Variants in HMGXB4 observed in about 807,000 individuals in gnomAD.
The protein encoded by HMGXB4 is HMG domain-containing protein 4.
In HMGXB4, 27 loss-of-function variants were observed where a neutral mutation model predicts 63.9. The ratio of observed to expected loss-of-function variants is 0.42; its 90% confidence interval spans 0.31 to 0.58. The LOEUF (loss-of-function observed/expected upper bound fraction) is 0.58, where lower values mean the gene tolerates loss of function less well. Among genes scored for constraint, HMGXB4 ranks in the 20% least tolerant of loss-of-function variants. HMGXB4 has a pLI of 0.13. For missense variants in HMGXB4, 624 were observed against 700.7 expected, an observed-to-expected ratio of 0.89 and a Z score of 1.24; for synonymous variants, 264 against 265.3, an observed-to-expected ratio of 0.99 and a Z score of 0.05.
chr22:35,293,260 C>A, intron 10 of HMGXB4, 146 bp downstream of exon 10: 1 of 901,638 alleles, frequency 1.1e-6, no homozygotes, highest in Non-Finnish European at 1.7e-6. Context: ...GCTATATTAT[C>A]AAATGCATGC....
intron 8 of HMGXB4, among the ~76,000 whole-genome samples, chr22:35,288,028 T>G (rs1356208381): frequency 6.6e-6 from 1 of 152,228 alleles, no homozygotes; most frequent in Non-Finnish European, 1.5e-5. Context: ...CACATATTCT[T>G]TGTTTTTCTA....
At chr22:35,284,132 C>G in intron 6 of HMGXB4, 89 bp downstream of exon 6, 1 of 924,484 alleles carries the variant, frequency 1.1e-6, no homozygotes, top group South Asian at 1.4e-5. Flanking sequence ...AGCATTAGAG[C>G]ATAAATCTTG....
In HMGXB4 at chr22:35,265,522, TC is replaced by T; in HGVS notation, c.1136del (p.Pro379LeufsTer45). The part of the protein sequence containing the change: ...AGAAAPPLPL[P>X]GLHTDGHSEK... Reference sequence around the variant, plus strand: ...GAGCAGCAGCACCTCCCCTGCCACTTCCTGGCCTCCACACAGATGGGCATAG... The same window carrying T: ...GAGCAGCAGCACCTCCCCTGCCACTTCTGGCCTCCACACAGATGGGCATAG... On this transcript the variant is annotated frameshift_variant, in exon 5 of 11. Transcript: ENST00000216106. LOFTEE classifies it high-confidence loss of function. 1 of 1,613,192 alleles carries T rather than the reference TC, an allele frequency of 6.2e-7. No individual in the cohort carries two copies. The highest frequency in any genetic ancestry group is 8.5e-7 in the Non-Finnish European group (1 of 1,179,850).
At chr22:35,259,233 G>C (rs1433083031) in intron 1 of HMGXB4, among the ~76,000 whole-genome samples, 2 of 152,084 alleles carry the variant, frequency 1.3e-5, no homozygotes, top group African/African-American at 2.4e-5. Context: ...TTTTTTACTT[G>C]TATCAACAGT....
rs569574050 is a variant in HMGXB4, at chr22:35,263,306, T to G, written c.180+80T>G. The G allele has an allele frequency of 6.9e-5, 84 of 1,208,902 alleles. No individual in the cohort carries two copies. In the East Asian group the frequency reaches 8.2e-4, roughly 12 times the overall value. 74.9% of individuals were successfully genotyped at this position (1,208,902 alleles called of 1,614,324 possible). On this transcript the variant is annotated intron_variant, in intron 3 of 10. Coordinates refer to ENST00000216106, the MANE Select transcript of HMGXB4 (RefSeq NM_001003681.3). ...TGATGCAGAGTTTTTTTTTGTTTTTTTTTTTTTTCTCTCATGGCCCAGGCT... is the reference window on the plus strand; with the variant it reads ...TGATGCAGAGTTTTTTTTTGTTTTTGTTTTTTTTCTCTCATGGCCCAGGCT...
At chr22:35,282,921 T>C (rs767196867) in intron 5 of HMGXB4, among the ~76,000 whole-genome samples, 5 of 152,280 alleles carry the variant, frequency 3.3e-5, no homozygotes, top group African/African-American at 1.2e-4. Context: ...CATAGAAATA[T>C]AATCTTCTGT....
chr22:35,263,145 A>G lies in HMGXB4; in HGVS notation c.99A>G (p.Lys33=). 1.2e-6 allele frequency: 2 copies of G among 1,614,162 alleles called. No individual in the cohort carries two copies. Among genetic ancestry groups the G allele is most frequent in the South Asian group, 2.2e-5 (2 of 91,080 alleles). ...CAGCTGGCCGAAGCCAACGAGAGAA[A>G]AAACGTTCTTACAAAGATTTTTTAA... ...GLAAGRSQRE[K]KRSYKDFLRE... is the part of the protein sequence containing the mutation. Residue 33 remains lysine, a synonymous_variant, in exon 3 of 11, where the codon AAA becomes AAG. Transcript: ENST00000216106.
chr22:35,254,255 T>C (rs1359180460), upstream of HMGXB4, among the ~76,000 whole-genome samples: 1 of 152,246 alleles, frequency 6.6e-6, no homozygotes, highest in Non-Finnish European at 1.5e-5. Flanking sequence ...TCACTTGCCA[T>C]GGGAAAAGGC....
the HMGXB4 span, among the ~76,000 whole-genome samples, chr22:35,245,356 CTTTT>C: frequency 1.2e-5 from 1 of 84,808 alleles, no homozygotes; most frequent in African/African-American, 3.6e-5. Context: ...CTGAGACTAT[CTTTT>C]TTCTCTTTTT....
intron 5 of HMGXB4, among the ~76,000 whole-genome samples, chr22:35,270,909 T>C (rs1213318095): frequency 2.0e-5 from 3 of 152,164 alleles, no homozygotes; most frequent in African/African-American, 4.8e-5. Context: ...AAAATTCCTA[T>C]AAAGCTTTTT....
chr22:35,278,766 G>A (rs1050100111), intron 5 of HMGXB4, among the ~76,000 whole-genome samples: 6 of 150,586 alleles, frequency 4.0e-5, no homozygotes, highest in South Asian at 4.2e-4. Context: ...ATCCCACCTC[G>A]GCCTCCTGAG....
chr22:35,276,488 A>C (rs903951619), intron 5 of HMGXB4, among the ~76,000 whole-genome samples: 1 of 152,230 alleles, frequency 6.6e-6, no homozygotes, highest in Non-Finnish European at 1.5e-5. Context: ...ACTCCAAGGT[A>C]TAGGTTCTTA....
chr22:35,284,809 G>A (rs1419495599), intron 6 of HMGXB4, among the ~76,000 whole-genome samples: 1 of 152,220 alleles, frequency 6.6e-6, no homozygotes, highest in African/African-American at 2.4e-5. Flanking sequence ...CTATACCAGA[G>A]ATCCTGGACA....
At chr22:35,277,249 C>G (rs920586049) in intron 5 of HMGXB4, among the ~76,000 whole-genome samples, 1 of 152,220 alleles carries the variant, frequency 6.6e-6, no homozygotes, top group African/African-American at 2.4e-5. Context: ...TTGTTTTCTT[C>G]AAATTCGAGA....
chr22:35,242,070 T>C, the HMGXB4 span, among the ~76,000 whole-genome samples: 1 of 152,244 alleles, frequency 6.6e-6, no homozygotes, highest in Non-Finnish European at 1.5e-5. Flanking sequence ...ACTAGCTTCA[T>C]AAAATAGACT....
At chr22:35,268,001 T>C (rs889956938) in intron 5 of HMGXB4, among the ~76,000 whole-genome samples, 1 of 152,212 alleles carries the variant, frequency 6.6e-6, no homozygotes, top group Non-Finnish European at 1.5e-5. Context: ...GGAGAATCGC[T>C]TGAGCCCAGG....
chr22:35,242,782 C>T, the HMGXB4 span, among the ~76,000 whole-genome samples: 1 of 152,220 alleles, frequency 6.6e-6, no homozygotes, highest in Admixed American at 6.5e-5. Context: ...CTCGGCCCGC[C>T]TTTAGCTGTG....
At position 35,265,334 on chromosome 22, in the gene HMGXB4, A is replaced by G. The variant is rs148970891; in HGVS notation, c.946A>G (p.Ile316Val). Reference sequence around the variant, plus strand: ...AGTGATAGATGATTCTTACCGAGAAATCAAGAAGAAAAAGAAGTCAAAGAA... The same window carrying G: ...AGTGATAGATGATTCTTACCGAGAAGTCAAGAAGAAAAAGAAGTCAAAGAA... ...ELVIDDSYRE[I>V]KKKKKSKKSK... Residue 316 changes from isoleucine (I) to valine (V), a missense_variant, in exon 5 of 11, where the codon ATC (isoleucine) becomes GTC (valine). Transcript: ENST00000216106. 12 of 1,613,970 alleles carry G rather than the reference A, an allele frequency of 7.4e-6. No individual in the cohort carries two copies. Among genetic ancestry groups the G allele is most frequent in the African/African-American group, 1.3e-5 (1 of 74,922 alleles).
chr22:35,292,063 A>G (rs1036394161), intron 9 of HMGXB4, among the ~76,000 whole-genome samples: 2 of 152,220 alleles, frequency 1.3e-5, no homozygotes, highest in African/African-American at 4.8e-5. Context: ...CCTTACAGGA[A>G]GTTGAGATGG....
Sources: gnomAD v4.1 joint callset for allele counts (sites outside exome capture counted in the v4.1 genomes callset) on GRCh38, gnomAD v4.1.1 for gene constraint, MANE v1.5 for transcripts, NCBI Gene and HGNC (gene_info 2026-07-23, HGNC 2026-07-21) for gene names.